Variants in RGS7 observed in about 807,000 individuals in gnomAD.
RGS7 encodes regulator of G protein signaling 7.
A neutral mutation model predicts 81.1 loss-of-function variants in RGS7; 27 were observed. The observed-to-expected ratio is 0.33, with a 90% confidence interval of 0.25 to 0.46. RGS7 has a LOEUF of 0.46. RGS7 is among the 20% of genes least tolerant of loss of function. RGS7 has a pLI of 1.00. For synonymous variants in RGS7, 208 were observed against 207.7 expected (o/e 1.00, Z -0.01); for missense variants, 396 against 607.4 (o/e 0.65, Z 3.66).
At chr1:241,295,026 A>AT (rs1272827770) in intron 2 of RGS7, among the ~76,000 whole-genome samples, 4 of 152,370 alleles carry the variant, frequency 2.6e-5, no homozygotes, top group Non-Finnish European at 4.4e-5. Context: ...AGGTGAAATA[A>AT]TAGTTCCTCT....
chr1:240,958,652 G>A (rs983114565), intron 4 of RGS7, among the ~76,000 whole-genome samples: 13 of 152,070 alleles, frequency 8.5e-5, no homozygotes, highest in African/African-American at 3.1e-4. Flanking sequence ...TTATGTATAC[G>A]AGTTCTTCCA....
Position 241,118,596 on chromosome 1 carries a change from G to A in RGS7, c.79-19834C>T, listed in dbSNP as rs558420638. ...ATAAAAAAGACACTTGCACTCATAG[G>A]TTCATCACAGCACTATTTACAATAG... is the stretch of plus-strand genomic sequence containing the variant. On this transcript the variant is annotated intron_variant, in intron 2 of 18. Transcript: ENST00000440928. Among the ~76,000 whole-genome samples, 4 of 152,158 alleles carry A rather than the reference G, an allele frequency of 2.6e-5. No homozygotes were observed. In the East Asian group the frequency reaches 7.7e-4, roughly 29 times the overall value.
chr1:241,249,254 A>G (rs1465356673), intron 2 of RGS7, among the ~76,000 whole-genome samples: 2 of 151,796 alleles, frequency 1.3e-5, no homozygotes, highest in Non-Finnish European at 2.9e-5. Context: ...GATTTTCACT[A>G]TATGATTCAC....
intron 2 of RGS7, among the ~76,000 whole-genome samples, chr1:241,149,718 A>G (rs1299596303): frequency 1.3e-5 from 2 of 152,210 alleles, no homozygotes; most frequent in African/African-American, 2.4e-5. Flanking sequence ...GCTGCTGGAA[A>G]CATTTGCTGC....
chr1:240,928,276 T>C (rs1375522688), intron 6 of RGS7, among the ~76,000 whole-genome samples: 2 of 152,208 alleles, frequency 1.3e-5, no homozygotes, highest in Non-Finnish European at 2.9e-5. Context: ...TAAATCACCC[T>C]TTTCCAACAC....
chr1:241,163,904 T>A lies in RGS7; in HGVS notation c.79-65142A>T, dbSNP rs2069953214. Among the ~76,000 whole-genome samples, 2 of 152,124 alleles carry A rather than the reference T, an allele frequency of 1.3e-5. No homozygotes were observed. The highest frequency in any genetic ancestry group is 1.3e-4 in the Admixed American group (2 of 15,272). ...CTCTAATTCAGTTCCACTCTGACAC[T>A]CTCTTCCTGGAGATAGCGTCAGATC... On this transcript the variant is annotated intron_variant, in intron 2 of 18. Transcript: ENST00000440928. The surrounding 1 kb of genome is among the most constrained non-coding windows in gnomAD (Gnocchi z 4.6).
At chr1:240,952,784 A>G (rs1278498095) in intron 4 of RGS7, among the ~76,000 whole-genome samples, 1 of 151,722 alleles carries the variant, frequency 6.6e-6, no homozygotes, top group Non-Finnish European at 1.5e-5. Context: ...ACCTGACTAT[A>G]CATGTATATA....
intron 2 of RGS7, among the ~76,000 whole-genome samples, chr1:241,107,891 A>G (rs1406587203): frequency 6.6e-6 from 1 of 152,184 alleles, no homozygotes; most frequent in East Asian, 1.9e-4. Flanking sequence ...TTATCACCTT[A>G]TTCAATATAA....
intron 2 of RGS7, among the ~76,000 whole-genome samples, chr1:241,282,419 C>T (rs1468963100): frequency 1.3e-5 from 2 of 152,174 alleles, no homozygotes; most frequent in Non-Finnish European, 2.9e-5. Context: ...TCTTGGGTTT[C>T]TTCTTTGGGT....
chr1:240,883,712 C>T (rs1389821611), intron 6 of RGS7, among the ~76,000 whole-genome samples: 1 of 152,222 alleles, frequency 6.6e-6, no homozygotes, highest in South Asian at 2.1e-4. Flanking sequence ...ATACTGTAAA[C>T]AAACATCCTT....
chr1:240,823,183 T>C (rs1395298604), intron 10 of RGS7: 2 of 1,035,182 alleles, frequency 1.9e-6, no homozygotes, highest in African/African-American at 3.1e-5. Flanking sequence ...TTTGAAGGTA[T>C]GCAGGATAAG....
rs58610723 is a variant in RGS7 at position 241,144,926 on chromosome 1, GGTGT to G, written c.79-46168_79-46165del. 0.22 allele frequency among the ~76,000 whole-genome samples: 30,630 copies of G among 141,734 alleles called. 3,616 individuals carry two copies. Among genetic ancestry groups the G allele is most frequent in the African/African-American group, 0.34 (12,782 of 37,330 alleles). 93.0% of individuals were successfully genotyped at this position (141,734 alleles called of 152,430 possible). On this transcript the variant is annotated intron_variant, in intron 2 of 18. Coordinates refer to ENST00000440928, the MANE Select transcript of RGS7 (RefSeq NM_001364886.1). The surrounding 1 kb of genome is among the most constrained non-coding windows in gnomAD (Gnocchi z 4.7). ...TCAGTATGTGTTGGCAGGGCAGGAT[GGTGT>G]GTGTGTGTGTGTGTGTGTGTGTGTG...
At chr1:241,168,754 C>A (rs1443407049) in intron 2 of RGS7, among the ~76,000 whole-genome samples, 2 of 152,006 alleles carry the variant, frequency 1.3e-5, no homozygotes, top group East Asian at 3.9e-4. Context: ...CTCCCCACCT[C>A]CCCAACACAC....
In RGS7 at chr1:241,327,498, T is replaced by C. The variant is rs191507432; in HGVS notation, c.78+28201A>G. 4.8e-3 allele frequency among the ~76,000 whole-genome samples: 731 copies of C among 152,280 alleles called. 5 individuals are homozygous for C. Among genetic ancestry groups the C allele is most frequent in the African/African-American group, 0.016 (655 of 41,558 alleles). On this transcript the variant is annotated intron_variant, in intron 2 of 18. Coordinates refer to ENST00000440928, the MANE Select transcript of RGS7 (RefSeq NM_001364886.1). ...TAAGTTTTCATAATTCAACCAAGTA[T>C]AGGGACATCAGTTGTTACTTGAGCT...
At chr1:241,173,244 T>A (rs185673936) in intron 2 of RGS7, among the ~76,000 whole-genome samples, 1 of 152,318 alleles carries the variant, frequency 6.6e-6, no homozygotes, top group East Asian at 1.9e-4. Flanking sequence ...CTACTCTAGC[T>A]CACTTCTTCC....
intron 5 of RGS7, among the ~76,000 whole-genome samples, chr1:240,932,870 ATCTT>A (rs1558486044): frequency 2.5e-5 from 3 of 120,728 alleles, no homozygotes; most frequent in Non-Finnish European, 3.4e-5. Context: ...CTACTTTGGT[ATCTT>A]TCTTTTTTTT....
intron 3 of RGS7, among the ~76,000 whole-genome samples, chr1:241,096,052 T>C (rs2064226945): frequency 6.6e-6 from 1 of 152,220 alleles, no homozygotes; most frequent in Non-Finnish European, 1.5e-5. Context: ...AAAGATTGAC[T>C]CCAGTCTGCA....
chr1:241,147,532 AG>A (rs1190468212), intron 2 of RGS7, among the ~76,000 whole-genome samples: 5 of 151,972 alleles, frequency 3.3e-5, no homozygotes, highest in Admixed American at 2.6e-4. Flanking sequence ...TGTAAAATAT[AG>A]TATAGTTTTT....
rs539027711 is a variant in RGS7, at chr1:241,261,488, G to A, written c.78+94211C>T. Among the ~76,000 whole-genome samples the A allele has an allele frequency of 4.4e-3, 672 of 152,092 alleles. 4 individuals carry two copies. The highest frequency in any genetic ancestry group is 0.015 in the African/African-American group (621 of 41,514). Reference sequence around the variant, plus strand: ...ATAAAAAAAAAAGAAAATTAGCCCGGTGTGGTGGCACGTGCCTGTAGTCTC... The same window carrying A: ...ATAAAAAAAAAAGAAAATTAGCCCGATGTGGTGGCACGTGCCTGTAGTCTC... On this transcript the variant is annotated intron_variant, in intron 2 of 18. Transcript: ENST00000440928.
Sources: gnomAD v4.1 joint callset for allele counts (sites outside exome capture counted in the v4.1 genomes callset) on GRCh38, gnomAD v4.1.1 for gene constraint, Gnocchi (gnomAD v3.1) non-coding constraint, MANE v1.5 for transcripts, NCBI Gene and HGNC (gene_info 2026-07-23, HGNC 2026-07-21) for gene names.